The following SHANK2 variants were observed in gnomAD, a reference collection of about 807,000 sequenced individuals.
SHANK2 encodes SH3 and multiple ankyrin repeat domains protein 2.
In SHANK2, 43 loss-of-function variants were observed where a neutral mutation model predicts 133.7. The observed-to-expected ratio is 0.32, with a 90% CI of 0.25 to 0.41. The LOEUF (loss-of-function observed/expected upper bound fraction) is 0.41, where lower values mean the gene tolerates loss of function less well. SHANK2 is among the 10% of genes least tolerant of loss of function. The pLI is 1.00. For missense variants in SHANK2, 1,994 were observed against 2,235.8 expected (o/e 0.89, Z 2.18); for synonymous variants, 1,017 against 952.8 (o/e 1.07, Z -1.24).
chr11:70,884,316 A>G (rs1366477911), intron 11 of SHANK2, among the ~76,000 whole-genome samples: 1 of 152,218 alleles, frequency 6.6e-6, no homozygotes, highest in Non-Finnish European at 1.5e-5. Context: ...TGAGTGACCT[A>G]CCAGATGTTC....
chr11:70,756,406 A>G (rs1025998152), intron 14 of SHANK2, among the ~76,000 whole-genome samples: 10 of 152,172 alleles, frequency 6.6e-5, no homozygotes, highest in Non-Finnish European at 1.5e-4. Context: ...GCCTAGGGAT[A>G]GACAGGAGGT....
intron 15 of SHANK2, among the ~76,000 whole-genome samples, chr11:70,675,383 G>T (rs544818256): frequency 6.6e-6 from 1 of 152,134 alleles, no homozygotes; most frequent in African/African-American, 2.4e-5. Flanking sequence ...CTGTGATGAC[G>T]CTCACTTTAC....
intron 17 of SHANK2, chr11:70,635,627 G>A (rs569884450): frequency 6.6e-6 from 1 of 152,220 alleles, no homozygotes; most frequent in African/African-American, 2.4e-5. Flanking sequence ...TTCTGGAGAT[G>A]GATGGTGGTG....
intron 3 of SHANK2, among the ~76,000 whole-genome samples, chr11:71,144,548 G>C (rs1555106358): frequency 6.6e-6 from 1 of 151,952 alleles, no homozygotes; most frequent in East Asian, 1.9e-4. Context: ...ACTGAGAAGA[G>C]AGAAAAAAAA....
chr11:70,796,761 G>A lies in SHANK2; in HGVS notation c.1777+1682C>T, dbSNP rs549263309. ...CAACTCTGCTTATCTTGAGGCAACA[G>A]GATGCCTGAGGTCAGAAGCTCCCCC... On this transcript the variant is annotated intron_variant, in intron 14 of 25. Transcript: ENST00000601538. Among the ~76,000 whole-genome samples the A allele has an allele frequency of 3.5e-4, 53 of 152,324 alleles. 1 individual carries two copies. Among genetic ancestry groups the A allele is most frequent in the Non-Finnish European group, 1.0e-4 (7 of 68,028 alleles).
chr11:71,133,345 C>CATGG (rs797041208), intron 3 of SHANK2, among the ~76,000 whole-genome samples: 39 of 33,324 alleles, frequency 1.2e-3, no homozygotes, highest in African/African-American at 4.3e-3. Context: ...TGGGAGGATG[C>CATGG]ATGGCTGGCT....
intron 17 of SHANK2, among the ~76,000 whole-genome samples, chr11:70,626,745 TC>T (rs1555000103): frequency 6.6e-6 from 1 of 152,140 alleles, no homozygotes; most frequent in African/African-American, 2.4e-5. Context: ...CCCTGAAAGG[TC>T]CAGATGCAGC....
chr11:70,802,211 C>T (rs190626016), intron 13 of SHANK2, among the ~76,000 whole-genome samples: 1 of 152,262 alleles, frequency 6.6e-6, no homozygotes, highest in African/African-American at 2.4e-5. Flanking sequence ...TGCTTTAAGG[C>T]ACCTATGAAA....
chr11:70,537,631 G>A (rs566353590), intron 17 of SHANK2, among the ~76,000 whole-genome samples: 2 of 152,254 alleles, frequency 1.3e-5, no homozygotes, highest in Non-Finnish European at 2.9e-5. Flanking sequence ...TCCCAGGACT[G>A]TAGGGGAACA....
At chr11:70,539,096 C>A (rs112584366) in intron 17 of SHANK2, among the ~76,000 whole-genome samples, 7 of 152,292 alleles carry the variant, frequency 4.6e-5, no homozygotes, top group South Asian at 2.1e-4. Context: ...ACTGGATCTG[C>A]GGCACACAGA....
chr11:70,609,713 T>C (rs967879950), intron 17 of SHANK2, among the ~76,000 whole-genome samples: 1 of 150,586 alleles, frequency 6.6e-6, no homozygotes, highest in Non-Finnish European at 1.5e-5. Flanking sequence ...ATTCATATAC[T>C]ATATTGTATA....
rs939897158 is a variant in SHANK2, at chr11:71,061,468, C to T, written c.1030-4910G>A. ...AGTGCAGGGTGATAACCAGCTTCAG[C>T]ACTGAGAGAGCGGTTCTGCCTCTTG... On this transcript the variant is annotated intron_variant, in intron 9 of 25. Coordinates refer to ENST00000601538, the MANE Select transcript of SHANK2 (RefSeq NM_012309.5). Among the ~76,000 whole-genome samples, 1,390 of 152,328 alleles carry T rather than the reference C, an allele frequency of 9.1e-3. 20 individuals carry two copies. Among genetic ancestry groups the T allele is most frequent in the African/African-American group, 0.032 (1,324 of 41,560 alleles).
chr11:70,948,265 C>T (rs1950781098), intron 10 of SHANK2: 1 of 457,092 alleles, frequency 2.2e-6, no homozygotes, highest in Non-Finnish European at 4.4e-6. Context: ...CCAACCCCGA[C>T]ATGTTGCACG....
intron 4 of SHANK2, among the ~76,000 whole-genome samples, chr11:71,118,620 T>G (rs1339847302): frequency 1.1e-4 from 17 of 152,268 alleles, no homozygotes; most frequent in Admixed American, 2.0e-4. Context: ...TCCCTCAACA[T>G]GTGGGGATTA....
At chr11:71,138,977 C>A (rs1272814291) in intron 3 of SHANK2, among the ~76,000 whole-genome samples, 8 of 152,084 alleles carry the variant, frequency 5.3e-5, no homozygotes, top group African/African-American at 1.9e-4. Context: ...TTTTGAGTGA[C>A]TGTACAGGCG....
At chr11:70,901,268 T>A (rs3020096) in intron 10 of SHANK2, among the ~76,000 whole-genome samples, 147,315 of 152,126 alleles carry the variant, frequency 0.97, 71,506 homozygotes, top group Middle Eastern at 1. Flanking sequence ...GGCATTTTTT[T>A]AAAAAGTTAT....
intron 2 of SHANK2, among the ~76,000 whole-genome samples, chr11:71,212,659 A>G (rs1281987123): frequency 3.3e-5 from 5 of 152,216 alleles, no homozygotes; most frequent in African/African-American, 1.2e-4. Context: ...CATGCTGAAC[A>G]CAATCCTGTT....
At chr11:71,127,530 C>CTTGGG (rs1213140631) in intron 3 of SHANK2, among the ~76,000 whole-genome samples, 1 of 152,238 alleles carries the variant, frequency 6.6e-6, no homozygotes, top group African/African-American at 2.4e-5. Flanking sequence ...AACCACCACT[C>CTTGGG]TGATCAGTTG....
chr11:71,199,959 A>G (rs139214006), intron 2 of SHANK2, among the ~76,000 whole-genome samples: 43 of 152,316 alleles, frequency 2.8e-4, no homozygotes, highest in African/African-American at 9.9e-4. Flanking sequence ...TTTGTCTTTT[A>G]GGGCATTTGT....
Sources: gnomAD v4.1 joint callset for allele counts (sites outside exome capture counted in the v4.1 genomes callset) on GRCh38, gnomAD v4.1.1 for gene constraint, MANE v1.5 for transcripts, NCBI Gene and HGNC (gene_info 2026-07-23, HGNC 2026-07-21) for gene names.